DNAAF11: variants seen among roughly 807,000 people sequenced by gnomAD.
The protein encoded by DNAAF11 is leucine rich repeat containing 6.
DNAAF11 carries 45 observed loss-of-function variants against 60.8 expected under a neutral mutation model. That is an observed-to-expected ratio of 0.74 (90% CI 0.58 to 0.95). DNAAF11 has a LOEUF of 0.95. Among genes scored for constraint, DNAAF11 ranks in the 40% least tolerant of loss-of-function variants. The probability of loss-of-function intolerance (pLI) is 0.00; values close to 1 mark genes in which losing one functional copy is unlikely to be tolerated. For synonymous variants in DNAAF11, 191 were observed against 183.5 expected (o/e 1.04, Z -0.33); for missense variants, 546 against 546.2 (o/e 1.00, Z 0.00).
At chr8:132,656,705 C>A in intron 3 of DNAAF11, 125 bp downstream of exon 3, 1 of 520,070 alleles carries the variant, frequency 1.9e-6, no homozygotes, top group Non-Finnish European at 3.5e-6. Flanking sequence ...CTCCTGACCT[C>A]AGGTGATCTG....
At chr8:132,618,757 C>T (rs1586598439) in intron 7 of DNAAF11, among the ~76,000 whole-genome samples, 1 of 152,108 alleles carries the variant, frequency 6.6e-6, no homozygotes, top group African/African-American at 2.4e-5. Flanking sequence ...GATACCATCT[C>T]ACGCCAGTTA....
intron 3 of DNAAF11, among the ~76,000 whole-genome samples, chr8:132,649,944 G>T (rs995273922): frequency 5.3e-5 from 8 of 152,208 alleles, no homozygotes; most frequent in Non-Finnish European, 7.3e-5. Context: ...TTCAACCATT[G>T]TGGAAGACAG....
intron 2 of DNAAF11, among the ~76,000 whole-genome samples, chr8:132,658,040 C>T (rs1252497167): frequency 3.3e-5 from 5 of 152,162 alleles, no homozygotes; most frequent in African/African-American, 1.2e-4. Flanking sequence ...CTGCCCATTT[C>T]TCAGGTACAC....
At chr8:132,687,790 T>C in the DNAAF11 span, 219,784 of 425,356 alleles carry the variant, frequency 0.52, 61,340 homozygotes, top group African/African-American at 0.85. Context: ...CTTTTGGCTT[T>C]GATATTGACC....
At position 132,632,827 on chromosome 8, in the gene DNAAF11, C is replaced by T. The variant is rs1353920562; in HGVS notation, c.566G>A (p.Arg189Lys). The change falls in exon 5 of 12, where the codon AGG (arginine) becomes AAG (lysine). Residue 189 changes from arginine to lysine, a missense_variant. Transcript: ENST00000620350. The stretch of plus-strand genomic sequence containing the variant: ...ATTTTTATCCTCTTCTTGGTGTTTC[C>T]TCTGAGCCTCTTCCTTGAGTTTGGC... ...KRAKLKEEAQ[R>K]KHQEEDKNED... 1 of 1,613,868 alleles carries T rather than the reference C, an allele frequency of 6.2e-7. No homozygotes were observed. The highest frequency in any genetic ancestry group is 8.5e-7 in the Non-Finnish European group (1 of 1,179,852).
At chr8:132,590,361 G>T (rs1190002613) in intron 10 of DNAAF11, among the ~76,000 whole-genome samples, 1 of 152,182 alleles carries the variant, frequency 6.6e-6, no homozygotes, top group Non-Finnish European at 1.5e-5. Flanking sequence ...ACCTTTCCAG[G>T]TGACCTTGGT....
At chr8:132,648,090 T>G (rs1015605159) in intron 3 of DNAAF11, among the ~76,000 whole-genome samples, 21 of 152,074 alleles carry the variant, frequency 1.4e-4, no homozygotes, top group African/African-American at 5.1e-4. Context: ...CCTTGATTAA[T>G]ATCGATGCAA....
chr8:132,660,978 T>A (rs1824075796), intron 2 of DNAAF11, among the ~76,000 whole-genome samples: 1 of 152,152 alleles, frequency 6.6e-6, no homozygotes, highest in African/African-American at 2.4e-5. Context: ...ACCTCTAATT[T>A]CCATTCCAAA....
At chr8:132,686,423 G>T in the DNAAF11 span, among the ~76,000 whole-genome samples, 148 of 152,242 alleles carry the variant, frequency 9.7e-4, no homozygotes, top group African/African-American at 3.4e-3. Context: ...TCTTTACATG[G>T]TTTAGAGATG....
At position 132,632,852 on chromosome 8, in the gene DNAAF11, C is replaced by T; in HGVS notation, c.541G>A (p.Ala181Thr). The T allele has an allele frequency of 6.2e-7, 1 of 1,613,830 alleles. No individual in the cohort carries two copies. The highest frequency in any genetic ancestry group is 8.5e-7 in the Non-Finnish European group (1 of 1,179,812). ...CTCTGAGCCTCTTCCTTGAGTTTGG[C>T]TCGTTTAAGACAGTGATCTTTTTCC... ...EQEKDHCLKRAKLKEEAQRKH... is the reference protein window; with the variant it reads ...EQEKDHCLKRTKLKEEAQRKH... Residue 181 changes from alanine (A) to threonine (T), a missense_variant, in exon 5 of 12, where the codon GCC becomes ACC. Ala to Thr is a moderately conservative substitution (Grantham distance 58). Transcript: ENST00000620350.
chr8:132,643,543 T>C (rs954483078), intron 3 of DNAAF11: 1 of 433,528 alleles, frequency 2.3e-6, no homozygotes, highest in Non-Finnish European at 4.6e-6. Context: ...CGTAAATGGG[T>C]CCGTATGCCA....
the DNAAF11 span, among the ~76,000 whole-genome samples, chr8:132,696,989 A>G: frequency 6.6e-6 from 1 of 152,202 alleles, no homozygotes; most frequent in East Asian, 1.9e-4. Flanking sequence ...AAGCCCCATG[A>G]CATGACATGA....
chr8:132,602,766 T>C (rs554714148), intron 10 of DNAAF11, among the ~76,000 whole-genome samples: 5 of 150,282 alleles, frequency 3.3e-5, no homozygotes, highest in Admixed American at 2.0e-4. Flanking sequence ...TATATATATA[T>C]ATACACACAG....
At position 132,674,095 on chromosome 8, in the gene DNAAF11, AGCAG is replaced by A. The variant is rs1301683638; in HGVS notation, c.10+1385_10+1388del. 1.3e-4 allele frequency among the ~76,000 whole-genome samples: 19 copies of A among 147,308 alleles called. 1 individual carries two copies. The highest frequency in any genetic ancestry group is 4.8e-4 in the African/African-American group (19 of 39,792). On this transcript the variant is annotated intron_variant, in intron 1 of 11. Transcript: ENST00000620350. ...GAGGAGGAGGAGCAGGAGGAGGAGG[AGCAG>A]GAGGAGGAGGAGCAGGAGGAGGAGG...
At chr8:132,625,224 A>T (rs1185506159) in intron 6 of DNAAF11, 48 bp downstream of exon 6, 2 of 1,371,000 alleles carry the variant, frequency 1.5e-6, no homozygotes, top group Non-Finnish European at 2.0e-6. Flanking sequence ...ATAAAAATAT[A>T]GTTGATAAGT....
intron 1 of DNAAF11, among the ~76,000 whole-genome samples, chr8:132,665,123 A>G (rs1824504609): frequency 6.6e-6 from 1 of 152,136 alleles, no homozygotes; most frequent in Admixed American, 6.5e-5. Flanking sequence ...GATCTTTTCT[A>G]AACTCTCCTA....
chr8:132,650,223 A>G lies in DNAAF11; in HGVS notation c.256+6607T>C, dbSNP rs543109847. 2.2e-3 allele frequency among the ~76,000 whole-genome samples: 335 copies of G among 152,360 alleles called. 3 individuals carry two copies. The highest frequency in any genetic ancestry group is 2.0e-3 in the Non-Finnish European group (133 of 68,042). The stretch of plus-strand genomic sequence containing the variant: ...ATGAGTTCATGTCTTTTGTAGGGAC[A>G]TGGATGAAGCTGGAAACCATCATTC... On this transcript the variant is annotated intron_variant, in intron 3 of 11. Transcript: ENST00000620350.
intron 10 of DNAAF11, among the ~76,000 whole-genome samples, chr8:132,599,725 C>T (rs1817402424): frequency 6.6e-6 from 1 of 152,122 alleles, no homozygotes; most frequent in Non-Finnish European, 1.5e-5. Context: ...AATTCAACAG[C>T]CCTTCATGCT....
chr8:132,638,197 A>C, intron 3 of DNAAF11, 90 bp from the exon 4 acceptor site: 1 of 952,740 alleles, frequency 1.0e-6, no homozygotes, highest in South Asian at 1.5e-5. Flanking sequence ...CAGAAGTAAC[A>C]GTTGTAGTAT....
Sources: allele counts gnomAD v4.1 joint callset (sites outside exome capture counted in the v4.1 genomes callset), GRCh38; gene constraint gnomAD v4.1.1; transcripts MANE v1.5; gene names NCBI Gene and HGNC (gene_info 2026-07-23, HGNC 2026-07-21).